Variants in AKAP7 observed in about 807,000 individuals in gnomAD.
AKAP7 encodes the protein A kinase (PRKA) anchor protein 7.
Under a neutral mutation model 39.5 loss-of-function variants are expected in AKAP7, and 39 were observed. The observed-to-expected ratio is 0.99, with a 90% CI of 0.76 to 1.29. AKAP7 has a LOEUF of 1.29. Ranked by LOEUF, AKAP7 falls within the 50% of genes most tolerant of loss-of-function variation. The pLI, the probability that AKAP7 is intolerant of heterozygous loss-of-function variation, is 0.00. For missense variants in AKAP7, 414 were observed against 407.7 expected, an observed-to-expected ratio of 1.02 and a Z score of -0.13; for synonymous variants, 140 against 139.1, an observed-to-expected ratio of 1.01 and a Z score of -0.05.
chr6:131,202,656 G>A (rs1424190202), intron 6 of AKAP7, among the ~76,000 whole-genome samples: 2 of 151,036 alleles, frequency 1.3e-5, no homozygotes. Context: ...TATACCTAAC[G>A]CTAAATGACG....
At chr6:131,208,697 C>A (rs1004924034) in intron 6 of AKAP7, among the ~76,000 whole-genome samples, 1 of 152,216 alleles carries the variant, frequency 6.6e-6, no homozygotes, top group African/African-American at 2.4e-5. Flanking sequence ...CTTAGGTTCT[C>A]TGAAATGCAA....
rs9492866 is a variant in AKAP7 at position 131,217,448 on chromosome 6, A to G, written c.703-2213A>G. 9.3e-3 allele frequency among the ~76,000 whole-genome samples: 1,410 copies of G among 152,258 alleles called. 20 individuals carry two copies. Among genetic ancestry groups the G allele is most frequent in the African/African-American group, 0.03 (1,252 of 41,546 alleles). Reference sequence around the variant, plus strand: ...GACGATCATGTTGAAATTGTGATATATATCAGACAATGCAGAGGCTTAGCT... The same window carrying G: ...GACGATCATGTTGAAATTGTGATATGTATCAGACAATGCAGAGGCTTAGCT... On this transcript the variant is annotated intron_variant, in intron 6 of 7. Transcript: ENST00000431975.
upstream of AKAP7, among the ~76,000 whole-genome samples, chr6:131,133,201 G>A (rs149516562): frequency 9.3e-3 from 1,420 of 152,122 alleles, 21 homozygotes; most frequent in African/African-American, 0.033. Flanking sequence ...AAGGAATTGC[G>A]TACTTGTCAC....
chr6:131,135,994 G>A (rs993435595), intron 1 of AKAP7, among the ~76,000 whole-genome samples: 8 of 152,096 alleles, frequency 5.3e-5, no homozygotes, highest in Non-Finnish European at 2.9e-5. Flanking sequence ...TTTAATGCAC[G>A]CATTGTGGGT....
At chr6:131,127,056 G>C in the AKAP7 span, among the ~76,000 whole-genome samples, 31 of 144,416 alleles carry the variant, frequency 2.1e-4, no homozygotes, top group Admixed American at 2.1e-3. Context: ...TTTTTTTTTT[G>C]TTTTTTTGAG....
At chr6:131,190,801 A>C (rs1397910336) in intron 5 of AKAP7, among the ~76,000 whole-genome samples, 1 of 152,196 alleles carries the variant, frequency 6.6e-6, no homozygotes, top group African/African-American at 2.4e-5. Context: ...TCCATTTCTT[A>C]TATCCATCAA....
intron 6 of AKAP7, among the ~76,000 whole-genome samples, chr6:131,200,599 C>G (rs2128282158): frequency 6.6e-6 from 1 of 152,174 alleles, no homozygotes; most frequent in East Asian, 1.9e-4. Flanking sequence ...ACTCACCATC[C>G]TATAGTTAAG....
chr6:131,209,718 T>A (rs994701726), intron 6 of AKAP7, among the ~76,000 whole-genome samples: 4 of 151,956 alleles, frequency 2.6e-5, no homozygotes, highest in African/African-American at 9.7e-5. Context: ...GGAAAAATGT[T>A]TTTCTCAGCG....
At chr6:131,207,513 T>A (rs1335797080) in intron 6 of AKAP7, among the ~76,000 whole-genome samples, 2 of 144,074 alleles carry the variant, frequency 1.4e-5, no homozygotes, top group Non-Finnish European at 3.0e-5. Flanking sequence ...TTTTTTTTTT[T>A]TTTTAGATAT....
In AKAP7 at chr6:131,161,644, C is replaced by CAAAAAAAAAAAAAAAAAA. The variant is rs55744190; in HGVS notation, c.291+1469_291+1486dup. ...TGGGTGACAGAGCCAGACTGTATCT[C>CAAAAAAAAAAAAAAAAAA]AAAAAAAAAAAAAAAAAAAAAAAAA... On this transcript the variant is annotated intron_variant, in intron 3 of 7. Coordinates refer to ENST00000431975, the MANE Select transcript of AKAP7 (RefSeq NM_016377.4). Among the ~76,000 whole-genome samples, 14 of 33,624 alleles carry CAAAAAAAAAAAAAAAAAA rather than the reference C, an allele frequency of 4.2e-4. 1 individual carries two copies. The highest frequency in any genetic ancestry group is 4.7e-4 in the Non-Finnish European group (9 of 19,038). 22.1% of individuals were successfully genotyped at this position (33,624 alleles called of 152,430 possible).
In AKAP7 at chr6:131,281,440, T is replaced by G. The variant is rs1053874568; in HGVS notation, c.851-90T>G. 9.1e-7 allele frequency: 1 copy of G among 1,101,514 alleles called. No homozygotes were observed. The allele number at this position is 1,101,514 out of a possible 1,614,324, so 68.2% of individuals were successfully genotyped here. A position where few individuals can be genotyped will look rare whatever the true frequency, so the allele number is the denominator to read the frequency against. On this transcript the variant is annotated intron_variant, in intron 7 of 7. Transcript: ENST00000431975. The surrounding 1 kb of genome is among the most constrained non-coding windows in gnomAD (Gnocchi z 4.0). ...TATAGATCCAATTTACACTTGCTCT[T>G]TTTAACCAATGGAACTAGCCGGCCC...
At chr6:131,186,188 C>T (rs1805840153) in intron 5 of AKAP7, among the ~76,000 whole-genome samples, 1 of 152,096 alleles carries the variant, frequency 6.6e-6, no homozygotes, top group Admixed American at 6.5e-5. Flanking sequence ...TGGTACCATC[C>T]TCATGCTAGT....
chr6:131,207,060 G>A (rs1290480225), intron 6 of AKAP7, among the ~76,000 whole-genome samples: 1 of 152,052 alleles, frequency 6.6e-6, no homozygotes, highest in African/African-American at 2.4e-5. Context: ...CGTAAAAGAA[G>A]GACTCTTGAC....
intron 7 of AKAP7, among the ~76,000 whole-genome samples, chr6:131,275,172 T>C (rs923605113): frequency 6.6e-6 from 1 of 152,234 alleles, no homozygotes; most frequent in Non-Finnish European, 1.5e-5. Flanking sequence ...GTATTGGGCA[T>C]ATTATTTTTA....
chr6:131,251,457 T>C (rs1202617312), intron 7 of AKAP7, among the ~76,000 whole-genome samples: 1 of 152,222 alleles, frequency 6.6e-6, no homozygotes, highest in African/African-American at 2.4e-5. Flanking sequence ...CAGTGCTTGA[T>C]TCTAATTTAA....
chr6:131,161,642 C>A (rs1802959891), intron 3 of AKAP7, among the ~76,000 whole-genome samples: 1 of 20,766 alleles, frequency 4.8e-5, no homozygotes, highest in Non-Finnish European at 8.8e-5. Context: ...CAGACTGTAT[C>A]TCAAAAAAAA....
chr6:131,168,627 T>C (rs1803732715), intron 4 of AKAP7, among the ~76,000 whole-genome samples: 1 of 152,206 alleles, frequency 6.6e-6, no homozygotes, highest in Non-Finnish European at 1.5e-5. Context: ...TATAGCAAAT[T>C]ATCTAATTAT....
At chr6:131,189,715 TTCTC>T (rs1806222846) in intron 5 of AKAP7, among the ~76,000 whole-genome samples, 1 of 152,216 alleles carries the variant, frequency 6.6e-6, no homozygotes, top group Non-Finnish European at 1.5e-5. Flanking sequence ...AATGTGTTGT[TTCTC>T]TATTAAATTG....
In AKAP7 at chr6:131,210,933, C is replaced by T. The variant is rs149825362; in HGVS notation, c.703-8728C>T. 1.0e-3 allele frequency among the ~76,000 whole-genome samples: 158 copies of T among 152,336 alleles called. 1 individual carries two copies. The highest frequency in any genetic ancestry group is 3.5e-3 in the African/African-American group (146 of 41,580). On this transcript the variant is annotated intron_variant, in intron 6 of 7. Transcript: ENST00000431975. ...AAATGGTAAACTTTGTGCTCTTGGA[C>T]TTCCAGGCCAAATATCTCTAGAATT...
Sources: gnomAD v4.1 joint callset for allele counts (sites outside exome capture counted in the v4.1 genomes callset) on GRCh38, gnomAD v4.1.1 for gene constraint, Gnocchi (gnomAD v3.1) non-coding constraint, MANE v1.5 for transcripts, NCBI Gene and HGNC (gene_info 2026-07-23, HGNC 2026-07-21) for gene names.